The following LIMS1 variants were observed in gnomAD, a reference collection of about 807,000 sequenced individuals.
The protein encoded by LIMS1 is LIM and senescent cell antigen-like-containing domain protein 1.
A neutral mutation model predicts 44.1 loss-of-function variants in LIMS1; 18 were observed. The observed-to-expected ratio is 0.41, with a 90% CI of 0.28 to 0.61. The LOEUF is 0.61. Ranked by LOEUF, LIMS1 falls within the 20% of genes least tolerant of loss-of-function variation. LIMS1 has a pLI of 0.32. For synonymous variants in LIMS1, 93 were observed against 149.1 expected, an observed-to-expected ratio of 0.62 and a Z score of 2.74; for missense variants, 201 against 422.0, an observed-to-expected ratio of 0.48 and a Z score of 4.59.
intron 1 of LIMS1, among the ~76,000 whole-genome samples, chr2:108,603,924 G>T (rs1687143025): frequency 6.6e-6 from 1 of 151,936 alleles, no homozygotes; most frequent in Admixed American, 6.6e-5. Flanking sequence ...TGCATTGTTA[G>T]GTTATTTATT....
chr2:108,568,779 C>G (rs1379550404), intron 1 of LIMS1, among the ~76,000 whole-genome samples: 1 of 152,162 alleles, frequency 6.6e-6, no homozygotes, highest in African/African-American at 2.4e-5. Flanking sequence ...TTCTGATGAT[C>G]AGTGATGTTG....
chr2:108,572,614 G>A (rs1685520195), intron 1 of LIMS1, among the ~76,000 whole-genome samples: 1 of 151,996 alleles, frequency 6.6e-6, no homozygotes, highest in Non-Finnish European at 1.5e-5. Flanking sequence ...TCGAACTCCT[G>A]ACCTTGTGTT....
chr2:108,596,792 C>G (rs1191216866), intron 1 of LIMS1, among the ~76,000 whole-genome samples: 1 of 151,748 alleles, frequency 6.6e-6, no homozygotes, highest in Admixed American at 6.6e-5. Flanking sequence ...CATTGCACAG[C>G]CTGGACAACA....
intron 1 of LIMS1, among the ~76,000 whole-genome samples, chr2:108,536,844 G>A (rs1297412898): frequency 6.6e-6 from 1 of 152,116 alleles, no homozygotes; most frequent in East Asian, 1.9e-4. Flanking sequence ...ACCCACCTCA[G>A]CCTCCCAAAG....
At chr2:108,537,393 T>C (rs1573285675) in intron 1 of LIMS1, among the ~76,000 whole-genome samples, 1 of 152,218 alleles carries the variant, frequency 6.6e-6, no homozygotes, top group Non-Finnish European at 1.5e-5. Context: ...TGAATGCTTG[T>C]GGTAGTGTGT....
At chr2:108,669,300 C>T (rs1352332297) in intron 2 of LIMS1, among the ~76,000 whole-genome samples, 1 of 151,940 alleles carries the variant, frequency 6.6e-6, no homozygotes, top group Non-Finnish European at 1.5e-5. Flanking sequence ...CCCAGCTACT[C>T]AGGAGGCTGA....
chr2:108,617,266 T>C (rs1180991255), intron 1 of LIMS1, among the ~76,000 whole-genome samples: 1 of 152,232 alleles, frequency 6.6e-6, no homozygotes, highest in African/African-American at 2.4e-5. Flanking sequence ...AGGGGTTAAT[T>C]GCAACAGGAT....
intron 1 of LIMS1, among the ~76,000 whole-genome samples, chr2:108,614,390 G>GT (rs1297008789): frequency 6.6e-6 from 1 of 152,150 alleles, no homozygotes; most frequent in Admixed American, 6.5e-5. Context: ...CACATACAAT[G>GT]TATGTACATA....
At chr2:108,655,070 C>A in intron 1 of LIMS1, 1 of 1,611,558 alleles carries the variant, frequency 6.2e-7, no homozygotes, top group South Asian at 1.1e-5. Context: ...TCTCAAGCAC[C>A]CACGATGGCC....
chr2:108,538,093 G>GT (rs1282911886), intron 1 of LIMS1, among the ~76,000 whole-genome samples: 1 of 152,144 alleles, frequency 6.6e-6, no homozygotes, highest in African/African-American at 2.4e-5. Flanking sequence ...TTAAGCTGTG[G>GT]TTTTCCACCC....
At chr2:108,543,136 C>A (rs923225184) in intron 1 of LIMS1, among the ~76,000 whole-genome samples, 1 of 152,128 alleles carries the variant, frequency 6.6e-6, no homozygotes, top group South Asian at 2.1e-4. Flanking sequence ...TTAAAAAAGT[C>A]TTTTAGAAAT....
Position 108,680,817 on chromosome 2 carries a change from T to C in LIMS1, c.899+47T>C, listed in dbSNP as rs748803028. On this transcript the variant is annotated intron_variant, in intron 9 of 9. Transcript: ENST00000544547. ...GTGTGAATCCTAAGACTGAAAACTT[T>C]GGGGAGACACTTAAAAAAAATCCTA... 3.1e-6 allele frequency: 5 copies of C among 1,590,326 alleles called. No individual in the cohort carries two copies. In the African/African-American group the frequency reaches 4.1e-5, roughly 13 times the overall value.
At chr2:108,616,057 T>C (rs1267805079) in intron 1 of LIMS1, among the ~76,000 whole-genome samples, 1 of 152,118 alleles carries the variant, frequency 6.6e-6, no homozygotes. Flanking sequence ...TTTGGAAATA[T>C]ACCTGGAAAA....
intron 9 of LIMS1, among the ~76,000 whole-genome samples, chr2:108,681,970 A>G (rs1693031812): frequency 6.6e-6 from 1 of 152,082 alleles, no homozygotes; most frequent in Non-Finnish European, 1.5e-5. Context: ...TTCTTCTGTG[A>G]TGTTCGAATG....
chr2:108,604,110 G>A (rs1217365220), intron 1 of LIMS1, among the ~76,000 whole-genome samples: 1 of 151,910 alleles, frequency 6.6e-6, no homozygotes, highest in Non-Finnish European at 1.5e-5. Flanking sequence ...GGAGCATATT[G>A]TTTCCTTTCC....
chr2:108,573,161 CTA>C (rs1481437130), intron 1 of LIMS1, among the ~76,000 whole-genome samples: 1 of 152,204 alleles, frequency 6.6e-6, no homozygotes, highest in Non-Finnish European at 1.5e-5. Flanking sequence ...TGTAAAATTT[CTA>C]TGTCACATTG....
chr2:108,541,505 G>T (rs534397872), intron 1 of LIMS1, among the ~76,000 whole-genome samples: 1 of 152,308 alleles, frequency 6.6e-6, no homozygotes, highest in African/African-American at 2.4e-5. Flanking sequence ...GTTGGTTTCA[G>T]ATTTTTCTAA....
intron 1 of LIMS1, among the ~76,000 whole-genome samples, chr2:108,579,043 CA>C (rs1685786687): frequency 6.6e-6 from 1 of 152,112 alleles, no homozygotes; most frequent in Non-Finnish European, 1.5e-5. Context: ...GGTATGCATT[CA>C]TGGGATTTTG....
intron 1 of LIMS1, among the ~76,000 whole-genome samples, chr2:108,579,796 T>C (rs1458540960): frequency 6.6e-6 from 1 of 152,206 alleles, no homozygotes; most frequent in Non-Finnish European, 1.5e-5. Flanking sequence ...CACAGGCAAA[T>C]TCCTGTGGAG....
Sources: gnomAD v4.1 joint callset for allele counts (sites outside exome capture counted in the v4.1 genomes callset) on GRCh38, gnomAD v4.1.1 for gene constraint, MANE v1.5 for transcripts, NCBI Gene and HGNC (gene_info 2026-07-23, HGNC 2026-07-21) for gene names.